COL8A1: variants seen among roughly 807,000 people sequenced by gnomAD.
COL8A1 encodes collagen alpha-1(VIII) chain.
COL8A1 carries 21 observed loss-of-function variants against 42.7 expected under a neutral mutation model. That is an observed-to-expected ratio of 0.49 (90% CI 0.35 to 0.71). The LOEUF (loss-of-function observed/expected upper bound fraction) is 0.71, where lower values mean the gene tolerates loss of function less well. COL8A1 is among the 30% of genes least tolerant of loss of function. The pLI is 0.01. For missense variants in COL8A1, 788 were observed against 962.4 expected (o/e 0.82, Z 2.40); for synonymous variants, 367 against 369.1 (o/e 0.99, Z 0.06).
chr3:99,778,808 G>T (rs1420762771), intron 2 of COL8A1, among the ~76,000 whole-genome samples: 1 of 152,068 alleles, frequency 6.6e-6, no homozygotes, highest in African/African-American at 2.4e-5. Flanking sequence ...TACCAAGATG[G>T]TATTTCAACA....
chr3:99,740,942 G>A (rs1252401891), intron 1 of COL8A1, among the ~76,000 whole-genome samples: 5 of 151,834 alleles, frequency 3.3e-5, no homozygotes, highest in Admixed American at 2.6e-4. Context: ...TAGAACTGTA[G>A]TAAACATTTT....
At chr3:99,706,668 T>C (rs913231035) in intron 1 of COL8A1, among the ~76,000 whole-genome samples, 1 of 152,256 alleles carries the variant, frequency 6.6e-6, no homozygotes, top group Admixed American at 6.5e-5. Context: ...GCCTTCACCA[T>C]AAAACTTAAA....
intron 1 of COL8A1, among the ~76,000 whole-genome samples, chr3:99,738,738 G>A (rs1240224188): frequency 8.4e-6 from 1 of 118,628 alleles, no homozygotes; most frequent in Non-Finnish European, 1.9e-5. Context: ...TCCTTGAGCT[G>A]TGGTGGGCTC....
intron 1 of COL8A1, chr3:99,678,358 C>T (rs1938763586): frequency 6.6e-6 from 1 of 152,028 alleles, no homozygotes; most frequent in Non-Finnish European, 1.5e-5. Context: ...GGACACAATA[C>T]AGCATGTAAT....
intron 2 of COL8A1, among the ~76,000 whole-genome samples, chr3:99,773,839 T>TTATATATATATA (rs1941638516): frequency 1.1e-4 from 3 of 26,906 alleles, no homozygotes; most frequent in Non-Finnish European, 2.3e-4. Context: ...ATATATATAT[T>TTATATATATATA]TTTTTTTTTT....
At chr3:99,694,280 C>G (rs370139074) in intron 1 of COL8A1, among the ~76,000 whole-genome samples, 1 of 152,010 alleles carries the variant, frequency 6.6e-6, no homozygotes, top group Non-Finnish European at 1.5e-5. Flanking sequence ...GTCAGGAGTT[C>G]GAGACCAGCC....
intron 1 of COL8A1, among the ~76,000 whole-genome samples, chr3:99,705,554 C>T (rs1256791103): frequency 1.3e-5 from 2 of 152,082 alleles, no homozygotes; most frequent in African/African-American, 4.8e-5. Context: ...TATTTGCATG[C>T]TAAGAAAGCC....
rs140378684 is a variant in COL8A1, at chr3:99,795,686, G to A, written c.1785G>A (p.Val595=). ...LPDMGLGIDG[V]KPPHAYGAKK... ...ATATGGGGCTGGGAATTGATGGCGT[G>A]AAACCCCCCCATGCCTACGGGGCTA... Residue 595 remains valine, a synonymous_variant, in exon 4 of 4, where the codon GTG becomes GTA. Coordinates refer to ENST00000652472, the MANE Select transcript of COL8A1 (RefSeq NM_020351.4). 1.8e-4 allele frequency: 297 copies of A among 1,614,046 alleles called. No homozygotes were observed. In the African/African-American group the frequency reaches 3.5e-3, roughly 19 times the overall value.
In COL8A1 at chr3:99,690,579, A is replaced by G. The variant is rs1939187640; in HGVS notation, c.-129+51915A>G. On this transcript the variant is annotated intron_variant, in intron 1 of 3. Coordinates refer to ENST00000652472, the MANE Select transcript of COL8A1 (RefSeq NM_020351.4). ...CACCCCCAGGGACTCAAAAAATATT[A>G]TTGGATGTGGATGATGAACATGAAA... Among the ~76,000 whole-genome samples, 3 of 152,190 alleles carry G rather than the reference A, an allele frequency of 2.0e-5. No homozygotes were observed. The South Asian group carries it at 6.2e-4, about 32-fold the overall frequency.
chr3:99,788,059 T>C (rs1941931577), intron 2 of COL8A1, among the ~76,000 whole-genome samples: 1 of 152,200 alleles, frequency 6.6e-6, no homozygotes, highest in Admixed American at 6.5e-5. Context: ...TTGTATAAAG[T>C]TACCCAAATT....
intron 1 of COL8A1, among the ~76,000 whole-genome samples, chr3:99,650,021 G>A (rs767309757): frequency 1.3e-5 from 2 of 152,222 alleles, no homozygotes; most frequent in African/African-American, 2.4e-5. Flanking sequence ...AAACACTTTA[G>A]CTTGACAGTC....
chr3:99,728,271 G>T (rs1481434727), intron 1 of COL8A1, among the ~76,000 whole-genome samples: 7 of 152,190 alleles, frequency 4.6e-5, no homozygotes, highest in South Asian at 4.2e-4. Flanking sequence ...ATCTCCTTAA[G>T]CTGATAAGCA....
intron 2 of COL8A1, among the ~76,000 whole-genome samples, chr3:99,767,737 C>T (rs1330122658): frequency 6.6e-6 from 1 of 152,122 alleles, no homozygotes; most frequent in African/African-American, 2.4e-5. Flanking sequence ...TGCCACTGAA[C>T]CTCTGAGTCT....
intron 1 of COL8A1, among the ~76,000 whole-genome samples, chr3:99,664,690 G>A (rs1938310189): frequency 6.6e-6 from 1 of 152,156 alleles, no homozygotes; most frequent in South Asian, 2.1e-4. Context: ...GTTTGGGGAT[G>A]GGAGGGGAGA....
intron 1 of COL8A1, among the ~76,000 whole-genome samples, chr3:99,736,963 A>T (rs1940739767): frequency 6.6e-6 from 1 of 152,174 alleles, no homozygotes; most frequent in African/African-American, 2.4e-5. Flanking sequence ...TTCTTGTTGA[A>T]TTGATCCCTT....
chr3:99,794,711 A>G lies in COL8A1; in HGVS notation c.810A>G (p.Gly270=), dbSNP rs1942068888. 6.2e-7 allele frequency: 1 copy of G among 1,611,826 alleles called. No homozygotes were observed. The highest frequency in any genetic ancestry group is 8.5e-7 in the Non-Finnish European group (1 of 1,179,176). ...HGPPGPVGLP[G]VGKPGVTGFP... ...CTCCCGGCCCTGTTGGACTGCCAGGAGTGGGCAAACCAGGAGTGACAGGCT... is the reference window on the plus strand; with the variant it reads ...CTCCCGGCCCTGTTGGACTGCCAGGGGTGGGCAAACCAGGAGTGACAGGCT... Residue 270 remains glycine, a synonymous_variant, in exon 4 of 4, where the codon GGA becomes GGG. Coordinates refer to ENST00000652472, the MANE Select transcript of COL8A1 (RefSeq NM_020351.4). This position sits in a 1 kb window ranked among gnomAD's most constrained non-coding sequence, Gnocchi z 4.3.
At chr3:99,702,081 A>G (rs1939556426) in intron 1 of COL8A1, among the ~76,000 whole-genome samples, 1 of 151,772 alleles carries the variant, frequency 6.6e-6, no homozygotes, top group Non-Finnish European at 1.5e-5. Context: ...GACTTCTGCT[A>G]ACTGTCTCCC....
At chr3:99,661,741 T>A (rs1938212290) in intron 1 of COL8A1, among the ~76,000 whole-genome samples, 1 of 152,118 alleles carries the variant, frequency 6.6e-6, no homozygotes, top group South Asian at 2.1e-4. Flanking sequence ...GATGGATGAA[T>A]GGATAAACAA....
chr3:99,745,657 A>G lies in COL8A1; in HGVS notation c.-4+636A>G, dbSNP rs185152051. Among the ~76,000 whole-genome samples the G allele has an allele frequency of 6.8e-4, 103 of 152,350 alleles. 1 individual carries two copies. The highest frequency in any genetic ancestry group is 1.2e-3 in the South Asian group (6 of 4,824). On this transcript the variant is annotated intron_variant, in intron 2 of 3. Coordinates refer to ENST00000652472, the MANE Select transcript of COL8A1 (RefSeq NM_020351.4). ...TACTAAATTTTCCTAAAAACAATCT[A>G]GGATGAATGAAACAGAGCATGATAT...
Sources: allele counts gnomAD v4.1 joint callset (sites outside exome capture counted in the v4.1 genomes callset), GRCh38; gene constraint gnomAD v4.1.1; non-coding constraint Gnocchi (gnomAD v3.1); transcripts MANE v1.5; gene names NCBI Gene and HGNC (gene_info 2026-07-23, HGNC 2026-07-21).